Variants in KMT2D observed in about 807,000 individuals in gnomAD.
KMT2D encodes lysine methyltransferase 2D, also known as histone-lysine N-methyltransferase 2D.
KMT2D carries 55 observed loss-of-function variants against 512.7 expected under a neutral mutation model. That is an observed-to-expected ratio of 0.11 (90% CI 0.09 to 0.13). The LOEUF (loss-of-function observed/expected upper bound fraction) is 0.13, where lower values mean the gene tolerates loss of function less well. KMT2D is among the 10% of genes least tolerant of loss of function. KMT2D has a pLI of 1.00. For synonymous variants in KMT2D, 2,995 were observed against 2,904.0 expected (o/e 1.03, Z -1.01); for missense variants, 6,061 against 7,127.9 (o/e 0.85, Z 5.39).
Position 49,043,351 on chromosome 12 carries a change from G to A in KMT2D, c.5533+12C>T, listed in dbSNP as rs778103511. On this transcript the variant is annotated intron_variant, in intron 25 of 54. Coordinates refer to ENST00000301067, the MANE Select transcript of KMT2D (RefSeq NM_003482.4). The stretch of plus-strand genomic sequence containing the variant: ...GGCCAAGACAGGACACAGTAACCCC[G>A]GCAGCCCTCACCTGGTGTATCGGCT... The A allele has an allele frequency of 3.8e-5, 61 of 1,613,322 alleles. No homozygotes were observed. Among genetic ancestry groups the A allele is most frequent in the South Asian group, 8.8e-5 (8 of 91,068 alleles).
Position 49,019,185 on chromosome 12 carries a change from C to G in KMT2D, c.*2595G>C. ...CCATTTCATCCGTTGTTACGAAGGA[C>G]CAACCTTGCTGTACAGGATACACAC... On this transcript the variant is annotated 3_prime_UTR_variant, in exon 55 of 55. Transcript: ENST00000301067. The G allele has an allele frequency of 3.6e-6, 4 of 1,099,092 alleles. No individual in the cohort carries two copies. The highest frequency in any genetic ancestry group is 4.5e-6 in the Non-Finnish European group (4 of 892,180). The allele number at this position is 1,099,092 out of a possible 1,614,324, so 68.1% of individuals were successfully genotyped here. A position where few individuals can be genotyped will look rare whatever the true frequency, so the allele number is the denominator to read the frequency against.
rs1264337812 is a variant in KMT2D at position 49,060,358 on chromosome 12, C to T, written c.-783G>A. Among the ~76,000 whole-genome samples the T allele has an allele frequency of 6.6e-6, 1 of 151,930 alleles. No homozygotes were observed. Among genetic ancestry groups the T allele is most frequent in the Non-Finnish European group, 1.5e-5 (1 of 67,934 alleles). ...CCGCTCCCCTCCGGCCGCTCCAGGC[C>T]CTGCGCTCGCCTCCCTTCCCCTCTG... On this transcript the variant is annotated 5_prime_UTR_variant, in exon 1 of 55. Coordinates refer to ENST00000301067, the MANE Select transcript of KMT2D (RefSeq NM_003482.4).
In KMT2D at chr12:49,038,588, C is replaced by A. The variant is rs2120500614; in HGVS notation, c.8768G>T (p.Gly2923Val). 6.2e-7 allele frequency: 1 copy of A among 1,612,676 alleles called. No individual in the cohort carries two copies. Among genetic ancestry groups the A allele is most frequent in the South Asian group, 1.1e-5 (1 of 91,076 alleles). ...PHRLAPEGLR[G>V]LAVSGLPPQK... ...TGGGGGAAGACCTGATACCGCCAGGCCCCGAAGCCCTTCAGGAGCCAGTCG... is the reference window on the plus strand; with the variant it reads ...TGGGGGAAGACCTGATACCGCCAGGACCCGAAGCCCTTCAGGAGCCAGTCG... The change falls in exon 35 of 55, where the codon GGC (glycine) becomes GTC (valine). Residue 2923 changes from glycine to valine, a missense_variant. Gly to Val is a moderately radical substitution (Grantham distance 109). Transcript: ENST00000301067. The surrounding 1 kb of genome is among the most constrained non-coding windows in gnomAD (Gnocchi z 5.7).
chr12:49,041,375 G>A lies in KMT2D; in HGVS notation c.6395C>T (p.Pro2132Leu), dbSNP rs770113503. Reference protein sequence around the residue: ...PTIFIGSPTTPAGLSTSADGF... With the variant: ...PTIFIGSPTTLAGLSTSADGF... ...GTCCGCAGAGGTAGACAAGCCGGCGGGGGTAGTGGGGCTGCCAATGAAAAT... is the reference window on the plus strand; with the variant it reads ...GTCCGCAGAGGTAGACAAGCCGGCGAGGGTAGTGGGGCTGCCAATGAAAAT... The change falls in exon 32 of 55, where the codon CCC (proline) becomes CTC (leucine). Residue 2132 changes from proline to leucine, a missense_variant. Transcript: ENST00000301067. This position sits in a 1 kb window ranked among gnomAD's most constrained non-coding sequence, Gnocchi z 5.4. 1 of 1,596,374 alleles carries A rather than the reference G, an allele frequency of 6.3e-7. No homozygotes were observed. The highest frequency in any genetic ancestry group is 2.2e-5 in the East Asian group (1 of 44,716).
rs1942627009 is a variant in KMT2D at position 49,026,968 on chromosome 12, T to G, written c.14998A>C (p.Ser5000Arg). 9.3e-6 allele frequency: 15 copies of G among 1,614,030 alleles called. No individual in the cohort carries two copies. The highest frequency in any genetic ancestry group is 1.3e-5 in the Non-Finnish European group (15 of 1,179,900). Residue 5000 changes from serine to arginine, a missense_variant, in exon 49 of 55, where the codon AGT (serine) becomes CGT (arginine). This residue lies in a region of KMT2D where 1,600 missense variants were observed against 1,754.9 expected (regional missense o/e 0.91). Coordinates refer to ENST00000301067, the MANE Select transcript of KMT2D (RefSeq NM_003482.4). This position sits in a 1 kb window ranked among gnomAD's most constrained non-coding sequence, Gnocchi z 9.6. Reference protein sequence around the residue: ...LRLLLTIQKGSGRQEDEREVA... With the variant: ...LRLLLTIQKGRGRQEDEREVA... ...TCCCGCTCATCCTCCTGCCGCCCAC[T>G]GCCCTTCTGGATGGTCAGCAGCAGC...
chr12:49,034,346 A>G (rs909211206), intron 38 of KMT2D, 47 bp from the exon 39 acceptor site: 2 of 1,610,038 alleles, frequency 1.2e-6, no homozygotes, highest in African/African-American at 2.7e-5. Context: ...GGTAATCCCA[A>G]TCCCTCTTCC....
At chr12:49,029,512 G>C in intron 43 of KMT2D, 36 bp from the exon 44 acceptor site, 1 of 1,487,638 alleles carries the variant, frequency 6.7e-7, no homozygotes, top group Non-Finnish European at 9.2e-7. Flanking sequence ...AGTCAGGTGA[G>C]GGTGGCCAGG....
rs2120548453 is a variant in KMT2D at position 49,041,531 on chromosome 12, G to A, written c.6239C>T (p.Ala2080Val). 1 of 1,613,436 alleles carries A rather than the reference G, an allele frequency of 6.2e-7. No homozygotes were observed. Reference protein sequence around the residue: ...AHRINKVQKQAESQINKQTKV... With the variant: ...AHRINKVQKQVESQINKQTKV... ...GGTCTGCTTGTTGATCTGGCTCTCAGCCTGCTACAGGGGGAGACCAGGCAT... is the reference window on the plus strand; with the variant it reads ...GGTCTGCTTGTTGATCTGGCTCTCAACCTGCTACAGGGGGAGACCAGGCAT... Residue 2080 changes from alanine to valine, a missense_variant, in exon 32 of 55, where the codon GCT becomes GTT. By Grantham distance (64) the Ala-to-Val change is moderately conservative. Around this residue, in one of 16 missense-constraint regions of KMT2D, gnomAD observed 640 missense variants for 814.3 expected, o/e 0.79. Transcript: ENST00000301067. The surrounding 1 kb of genome is among the most constrained non-coding windows in gnomAD (Gnocchi z 5.4).
chr12:49,047,092 C>T (rs894150549), intron 15 of KMT2D, among the ~76,000 whole-genome samples: 2 of 152,090 alleles, frequency 1.3e-5, no homozygotes, highest in Non-Finnish European at 2.9e-5. Context: ...GTGATCCACC[C>T]GCCTCACCCT....
chr12:49,050,018 T>A lies in KMT2D; in HGVS notation c.3570A>T (p.Ala1190=), dbSNP rs368790549. 3 of 1,613,766 alleles carry A rather than the reference T, an allele frequency of 1.9e-6. No individual in the cohort carries two copies. In the African/African-American group the frequency reaches 4.0e-5, roughly 22 times the overall value. ...SPCEEQEEPR[A]PVAPTPPTLI... is the part of the protein sequence containing the mutation. ...GAGTGGGTGGTGTGGGGGCCACCGGTGCACGTGGCTCTTCCTGTTCTTCAC... is the reference window on the plus strand; with the variant it reads ...GAGTGGGTGGTGTGGGGGCCACCGGAGCACGTGGCTCTTCCTGTTCTTCAC... Residue 1190 remains alanine (A), a synonymous_variant, in exon 12 of 55, where the codon GCA becomes GCT. Coordinates refer to ENST00000301067, the MANE Select transcript of KMT2D (RefSeq NM_003482.4).
chr12:49,050,555 C>T lies in KMT2D; in HGVS notation c.3033G>A (p.Pro1011=), dbSNP rs373881433. The part of the protein sequence containing the change: ...LPPSPGSPVG[P]ASPILMEPLP... ...GGGGCTCCATCAGGATGGGAGAAGC[C>T]GGCCCCACTGGGGAGCCTGGAGATG... The change falls in exon 12 of 55, where the codon CCG becomes CCA. Residue 1011 remains proline, a synonymous_variant. Coordinates refer to ENST00000301067, the MANE Select transcript of KMT2D (RefSeq NM_003482.4). The T allele has an allele frequency of 3.4e-5, 54 of 1,603,776 alleles. No homozygotes were observed. Among genetic ancestry groups the T allele is most frequent in the African/African-American group, 1.6e-4 (12 of 74,544 alleles).
rs1942637208 is a variant in KMT2D at position 49,027,098 on chromosome 12, A to C, written c.14868T>G (p.Pro4956=). 1 of 1,607,096 alleles carries C rather than the reference A, an allele frequency of 6.2e-7. No individual in the cohort carries two copies. Among genetic ancestry groups the C allele is most frequent in the Non-Finnish European group, 8.5e-7 (1 of 1,176,032 alleles). The change falls in exon 49 of 55, where the codon CCT becomes CCG. Residue 4956 remains proline (P), a synonymous_variant. Transcript: ENST00000301067. ...VPSPLPLASS[P]ESARPKPRAR... is the part of the protein sequence containing the mutation. ...CACGGGGCTTGGGTCGGGCTGATTC[A>C]GGGGATGAGGCCAGTGGCAGAGGTG...
At chr12:49,055,978 T>G (rs2120721509) in intron 1 of KMT2D, among the ~76,000 whole-genome samples, 1 of 152,278 alleles carries the variant, frequency 6.6e-6, no homozygotes, top group South Asian at 2.1e-4. Context: ...TCCACCCACT[T>G]CCAACCCAAA....
In KMT2D at chr12:49,055,407, A is replaced by G. The variant is rs1592163620; in HGVS notation, c.-37-46T>C. 4 of 1,316,864 alleles carry G rather than the reference A, an allele frequency of 3.0e-6. No homozygotes were observed. In the East Asian group the frequency reaches 9.3e-5, roughly 31 times the overall value. 81.6% of individuals were successfully genotyped at this position (1,316,864 alleles called of 1,614,324 possible). On this transcript the variant is annotated intron_variant, in intron 1 of 54. Coordinates refer to ENST00000301067, the MANE Select transcript of KMT2D (RefSeq NM_003482.4). ...ATCTATATGCCTACTAAGTCTTCCC[A>G]AGAAGCATTTTTCCCAGAATCCTGG... is the stretch of plus-strand genomic sequence containing the variant.
At position 49,042,394 on chromosome 12, in the gene KMT2D, C is replaced by T; in HGVS notation, c.5868-64G>A. The T allele has an allele frequency of 6.7e-7, 1 of 1,492,756 alleles. No homozygotes were observed. The highest frequency in any genetic ancestry group is 2.3e-5 in the Admixed American group (1 of 44,196). The allele number at this position is 1,492,756 out of a possible 1,614,324, so 92.5% of individuals were successfully genotyped here. ...GCCAAGTCCCACCCCAGACAAACTG[C>T]CTAGAGCCCCAGGCCACTGCCCTGC... On this transcript the variant is annotated intron_variant, in intron 28 of 54. Transcript: ENST00000301067. This position sits in a 1 kb window ranked among gnomAD's most constrained non-coding sequence, Gnocchi z 4.4.
intron 43 of KMT2D, 69 bp from the exon 44 acceptor site, chr12:49,029,545 AT>A: frequency 8.7e-7 from 1 of 1,154,042 alleles, no homozygotes; most frequent in Non-Finnish European, 1.3e-6. Flanking sequence ...TTCTCCCAAT[AT>A]TTTAGGCCTA....
Position 49,040,652 on chromosome 12 carries a change from G to T in KMT2D, c.7118C>A (p.Ser2373Tyr), listed in dbSNP as rs1459498988. ...PSHPDIFRPGSYTDPYAQPPL... is the reference protein window; with the variant it reads ...PSHPDIFRPGYYTDPYAQPPL... ...GGGCTGAGCATATGGGTCAGTGTAG[G>T]AGCCAGGGCGAAAGATGTCTGGGTG... is the stretch of plus-strand genomic sequence containing the variant. The change falls in exon 32 of 55, where the codon TCC (serine) becomes TAC (tyrosine). Residue 2373 changes from serine to tyrosine, a missense_variant. Physicochemically the swap from Ser to Tyr is moderately radical, Grantham distance 144. Coordinates refer to ENST00000301067, the MANE Select transcript of KMT2D (RefSeq NM_003482.4). The T allele has an allele frequency of 2.5e-6, 4 of 1,613,794 alleles. No homozygotes were observed. The South Asian group carries it at 4.4e-5, about 18-fold the overall frequency.
In KMT2D at chr12:49,039,612, C is replaced by G. The variant is rs2120513570; in HGVS notation, c.8052G>C (p.Gln2684His). The part of the protein sequence containing the change: ...QTELEKQRQR[Q>H]RLRELLIRQQ... ...GCCGAATCAGCAGCTCTCGTAGTCG[C>G]TGGCGCTATGCAAAAAAAAGAGAAG... The change falls in exon 33 of 55, where the codon CAG becomes CAC. Residue 2684 changes from glutamine (Q) to histidine (H), a missense_variant. By Grantham distance (24) the Gln-to-His change is conservative. Around this residue, in one of 16 missense-constraint regions of KMT2D, gnomAD observed 527 missense variants for 578.9 expected, o/e 0.91. Transcript: ENST00000301067. This position sits in a 1 kb window ranked among gnomAD's most constrained non-coding sequence, Gnocchi z 5.0. 1 of 1,607,922 alleles carries G rather than the reference C, an allele frequency of 6.2e-7. No individual in the cohort carries two copies. The highest frequency in any genetic ancestry group is 8.5e-7 in the Non-Finnish European group (1 of 1,179,036).
intron 45 of KMT2D, 38 bp downstream of exon 45, chr12:49,029,023 G>C (rs2120389888): frequency 6.2e-7 from 1 of 1,606,244 alleles, no homozygotes; most frequent in Non-Finnish European, 8.5e-7. Flanking sequence ...GACAACCCAG[G>C]TGAACTGGGC....
Sources: gnomAD v4.1 joint callset for allele counts (sites outside exome capture counted in the v4.1 genomes callset) on GRCh38, gnomAD v4.1.1 for gene constraint, gnomAD v4.1.1 regional missense constraint, Gnocchi (gnomAD v3.1) non-coding constraint, MANE v1.5 for transcripts, NCBI Gene and HGNC (gene_info 2026-07-23, HGNC 2026-07-21) for gene names.